NEBL: variants seen among roughly 807,000 people sequenced by gnomAD.
NEBL encodes nebulette.
NEBL carries 122 observed loss-of-function variants against 140.2 expected under a neutral mutation model. The ratio of observed to expected loss-of-function variants is 0.87; its 90% CI spans 0.75 to 1.01. The LOEUF (loss-of-function observed/expected upper bound fraction) is 1.01. Among genes scored for constraint, NEBL ranks in the 50% least tolerant of loss-of-function variants. The pLI is 0.00. For missense variants in NEBL, 1,365 were observed against 1,231.3 expected (o/e 1.11, Z -1.62); for synonymous variants, 436 against 398.9 (o/e 1.09, Z -1.11).
intron 4 of NEBL, among the ~76,000 whole-genome samples, chr10:20,909,847 C>T (rs1361163687): frequency 2.0e-5 from 3 of 151,884 alleles, no homozygotes; most frequent in African/African-American, 4.8e-5. Context: ...ATTAAGGAAC[C>T]TAGTACAGCC....
At chr10:21,082,017 G>C (rs1273087817) in intron 2 of NEBL, among the ~76,000 whole-genome samples, 1 of 152,126 alleles carries the variant, frequency 6.6e-6, no homozygotes, top group Non-Finnish European at 1.5e-5. Context: ...AACATCACCA[G>C]GTTTGGTGCC....
chr10:20,909,955 G>C (rs1848263260), intron 4 of NEBL, among the ~76,000 whole-genome samples: 1 of 152,088 alleles, frequency 6.6e-6, no homozygotes, highest in Non-Finnish European at 1.5e-5. Context: ...TTAAAATAGT[G>C]AATAAATATG....
chr10:20,850,330 C>T (rs768530554), intron 11 of NEBL, 65 bp downstream of exon 11: 32 of 1,274,268 alleles, frequency 2.5e-5, no homozygotes, highest in Admixed American at 1.2e-4. Context: ...GAACATTCTG[C>T]GTCCTTTCAA....
chr10:21,014,646 T>C (rs754580824), intron 3 of NEBL, among the ~76,000 whole-genome samples: 14 of 152,132 alleles, frequency 9.2e-5, no homozygotes, highest in Non-Finnish European at 2.1e-4. Flanking sequence ...GTAAGGTCCA[T>C]CTTACTGGAT....
chr10:21,089,640 G>A (rs11012520), intron 2 of NEBL, among the ~76,000 whole-genome samples: 15,821 of 152,022 alleles, frequency 0.1, 889 homozygotes, highest in African/African-American at 0.12. Context: ...CTGGGTAAGG[G>A]GGGCAGGACT....
At chr10:20,801,548 G>A (rs539311551) in intron 26 of NEBL, among the ~76,000 whole-genome samples, 11 of 152,142 alleles carry the variant, frequency 7.2e-5, no homozygotes, top group Non-Finnish European at 1.3e-4. Flanking sequence ...ATGCTTTCCT[G>A]AGCACAATGG....
At chr10:20,894,680 C>T (rs7082397) in intron 2 of NEBL, among the ~76,000 whole-genome samples, 93,998 of 149,862 alleles carry the variant, frequency 0.63, 29,729 homozygotes, top group Non-Finnish European at 0.65. Flanking sequence ...TTTGGGAGGC[C>T]GAGGCGGGCA....
chr10:20,796,367 G>GAAAAA lies in NEBL; in HGVS notation c.2762-9064_2762-9060dup, dbSNP rs57844177. Among the ~76,000 whole-genome samples the GAAAAA allele has an allele frequency of 5.0e-4, 26 of 51,500 alleles. 1 individual carries two copies. Among genetic ancestry groups the GAAAAA allele is most frequent in the African/African-American group, 1.4e-3 (20 of 14,708 alleles). The allele number at this position is 51,500 out of a possible 152,430, so 33.8% of individuals were successfully genotyped here. ...AAGAGTGAAACTCAGTCTAAAACAA[G>GAAAAA]AAAAAAAAAAAAAAAAAAAAAAAAA... On this transcript the variant is annotated intron_variant, in intron 26 of 27. Coordinates refer to ENST00000377122, the MANE Select transcript of NEBL (RefSeq NM_006393.3).
intron 2 of NEBL, among the ~76,000 whole-genome samples, chr10:21,078,032 C>T (rs758316883): frequency 2.0e-5 from 3 of 152,116 alleles, no homozygotes; most frequent in Non-Finnish European, 4.4e-5. Flanking sequence ...ACTCTCAATA[C>T]CAGATTATTC....
At chr10:21,121,746 C>T (rs1410249733) in intron 2 of NEBL, among the ~76,000 whole-genome samples, 4 of 152,134 alleles carry the variant, frequency 2.6e-5, no homozygotes, top group African/African-American at 9.7e-5. Context: ...CAACACATGA[C>T]AGTTAACTCC....
intron 3 of NEBL, among the ~76,000 whole-genome samples, chr10:20,977,975 A>G (rs1836872000): frequency 6.6e-6 from 1 of 152,260 alleles, no homozygotes; most frequent in African/African-American, 2.4e-5. Context: ...CAGTATTTTA[A>G]GGGAATAGAT....
intron 1 of NEBL, among the ~76,000 whole-genome samples, chr10:21,287,555 G>A (rs748511572): frequency 3.5e-4 from 53 of 152,012 alleles, no homozygotes; most frequent in Non-Finnish European, 6.2e-4. Flanking sequence ...GAGTCAAAGG[G>A]TTGAAAGTAT....
chr10:21,063,423 C>A (rs752364987), intron 2 of NEBL, among the ~76,000 whole-genome samples: 14 of 152,158 alleles, frequency 9.2e-5, no homozygotes, highest in Non-Finnish European at 1.5e-4. Flanking sequence ...GACTCACATT[C>A]GAACAGTTAG....
In NEBL at chr10:20,780,158, TG is replaced by T. The variant is rs972480507; in HGVS notation, c.*5588del. On this transcript the variant is annotated 3_prime_UTR_variant, in exon 28 of 28. Coordinates refer to ENST00000377122, the MANE Select transcript of NEBL (RefSeq NM_006393.3). The stretch of plus-strand genomic sequence containing the variant: ...ACTTTTTCAATTATGGGAAGCGTAG[TG>T]GGGGGAGAAAAGCAATTGTGTTCTG... 2.0e-5 allele frequency: 3 copies of T among 152,078 alleles called. No homozygotes were observed. Among genetic ancestry groups the T allele is most frequent in the African/African-American group, 7.2e-5 (3 of 41,424 alleles). 9.4% of individuals were successfully genotyped at this position (152,078 alleles called of 1,614,324 possible).
intron 4 of NEBL, among the ~76,000 whole-genome samples, chr10:20,955,654 C>A (rs949317720): frequency 6.6e-6 from 1 of 151,926 alleles, no homozygotes; most frequent in Admixed American, 6.6e-5. Context: ...AACTGGAGGG[C>A]CATGGAAAGT....
At chr10:20,809,754 C>A in intron 25 of NEBL, 52 bp downstream of exon 25, 1 of 1,367,336 alleles carries the variant, frequency 7.3e-7, no homozygotes, top group South Asian at 1.2e-5. Flanking sequence ...CACAGTGGTT[C>A]ACTTTTGGGA....
intron 3 of NEBL, among the ~76,000 whole-genome samples, chr10:20,972,843 A>G (rs1454993268): frequency 6.6e-6 from 1 of 152,196 alleles, no homozygotes; most frequent in Admixed American, 6.5e-5. Flanking sequence ...GGATCTCAAA[A>G]AGTCATTTTA....
chr10:21,001,290 G>T (rs953266210), intron 3 of NEBL, among the ~76,000 whole-genome samples: 2 of 152,162 alleles, frequency 1.3e-5, no homozygotes, highest in Admixed American at 6.5e-5. Flanking sequence ...CAAGTAAAGA[G>T]AATGTCTTGT....
At chr10:21,098,308 C>T (rs149703726) in intron 2 of NEBL, among the ~76,000 whole-genome samples, 152 of 152,236 alleles carry the variant, frequency 1.0e-3, no homozygotes, top group African/African-American at 2.7e-3. Context: ...GACATTTTCA[C>T]GCATCCACAC....
Sources: gnomAD v4.1 joint callset for allele counts (sites outside exome capture counted in the v4.1 genomes callset) on GRCh38, gnomAD v4.1.1 for gene constraint, MANE v1.5 for transcripts, NCBI Gene and HGNC (gene_info 2026-07-23, HGNC 2026-07-21) for gene names.